The following OR51B5 variants were observed in gnomAD, a reference collection of about 807,000 sequenced individuals.
OR51B5 encodes the protein olfactory receptor family 51 subfamily B member 5.
For synonymous variants in OR51B5, 186 were observed against 144.8 expected, an observed-to-expected ratio of 1.28 and a Z score of -2.04; for missense variants, 456 against 374.6, an observed-to-expected ratio of 1.22 and a Z score of -1.79.
At chr11:5,423,278 G>A in intron 1 of OR51B5, 2 of 1,277,294 alleles carry the variant, frequency 1.6e-6, no homozygotes, top group East Asian at 2.6e-5. Flanking sequence ...ACAAGTCCCT[G>A]GCTTTTAGCA....
rs931179905 is a variant in OR51B5 at position 5,373,358 on chromosome 11, C to T, written n.85-26448G>A. 3.3e-5 allele frequency among the ~76,000 whole-genome samples: 5 copies of T among 152,216 alleles called. No homozygotes were observed. The South Asian group carries it at 8.3e-4, about 25-fold the overall frequency. ...AGTTCCAGTTTTTGAGCCAAGATGG[C>T]CAAATAGGAACAGCTCTGGTCTACA... On this transcript the variant is annotated intron_variant and non_coding_transcript_variant, in intron 1 of 4. Coordinates refer to the OR51B5 transcript ENST00000415970.
At chr11:5,484,684 C>T (rs564824963) in intron 1 of OR51B5, among the ~76,000 whole-genome samples, 4 of 152,188 alleles carry the variant, frequency 2.6e-5, no homozygotes, top group African/African-American at 7.2e-5. Context: ...TTGTCTTCTT[C>T]GGTTTACCAA....
chr11:5,422,603 G>A, intron 1 of OR51B5: 2 of 1,614,000 alleles, frequency 1.2e-6, no homozygotes, highest in Non-Finnish European at 1.7e-6. Context: ...CCTCCATTAT[G>A]CCTCCATCCT....
intron 1 of OR51B5, among the ~76,000 whole-genome samples, chr11:5,444,754 C>T (rs1850737495): frequency 6.6e-6 from 1 of 152,066 alleles, no homozygotes; most frequent in Admixed American, 6.6e-5. Context: ...GAGGAGGGAC[C>T]ATGGAAATAA....
Position 5,489,114 on chromosome 11 carries a change from A to C in OR51B5, n.84+16455T>G, listed in dbSNP as rs78395519. 835 of 1,613,904 alleles carry C rather than the reference A, an allele frequency of 5.2e-4. 6 individuals carry two copies. In the African/African-American group the frequency reaches 0.01, roughly 19 times the overall value. On this transcript the variant is annotated intron_variant and non_coding_transcript_variant, in intron 1 of 4. Transcript: ENST00000415970. ...CTATCTGTAACCCATTAAGGTACAC[A>C]ACCATTCTCAACCATGCTGTCATAG...
chr11:5,379,996 A>T (rs1420693290), intron 1 of OR51B5, among the ~76,000 whole-genome samples: 1 of 150,478 alleles, frequency 6.6e-6, no homozygotes, highest in Non-Finnish European at 1.5e-5. Flanking sequence ...CTTTAAAAAA[A>T]AAAAATAAGC....
chr11:5,412,815 C>G (rs972203923), intron 1 of OR51B5, among the ~76,000 whole-genome samples: 89 of 152,180 alleles, frequency 5.8e-4, no homozygotes, highest in Non-Finnish European at 1.0e-3. Flanking sequence ...GAGCCCACCA[C>G]AGCTCAAGGA....
At chr11:5,378,131 G>A (rs1313350725) in intron 1 of OR51B5, among the ~76,000 whole-genome samples, 7 of 151,778 alleles carry the variant, frequency 4.6e-5, no homozygotes, top group African/African-American at 9.7e-5. Context: ...CAATGGAACA[G>A]AACAGAGCCC....
intron 1 of OR51B5, among the ~76,000 whole-genome samples, chr11:5,349,175 C>G (rs1849037438): frequency 6.6e-6 from 1 of 152,074 alleles, no homozygotes; most frequent in Non-Finnish European, 1.5e-5. Context: ...CTCTGAAACT[C>G]ACAGATCATC....
In OR51B5 at chr11:5,501,364, C is replaced by T. The variant is rs767153291; in HGVS notation, n.84+4205G>A. On this transcript the variant is annotated intron_variant and non_coding_transcript_variant, in intron 1 of 4. Coordinates refer to the OR51B5 transcript ENST00000415970. ...GTAGATTCGGGCTAAATGTGGCTTA[C>T]GATAGTCTTAAAAGTTTATTTAAAT... Among the ~76,000 whole-genome samples the T allele has an allele frequency of 8.1e-5, 12 of 147,952 alleles. 1 individual carries two copies. The highest frequency in any genetic ancestry group is 1.2e-4 in the Non-Finnish European group (8 of 66,158).
intron 1 of OR51B5, among the ~76,000 whole-genome samples, chr11:5,450,397 AAATG>A (rs1331414134): frequency 6.6e-6 from 1 of 151,900 alleles, no homozygotes; most frequent in Non-Finnish European, 1.5e-5. Context: ...TCAAATAAAT[AAATG>A]AATTAATTAA....
At position 5,382,575 on chromosome 11, in the gene OR51B5, C is replaced by A. The variant is rs970078722; in HGVS notation, n.85-35665G>T. ...GGATCCCAGTGAAATAGGCTAAAAT[C>A]ATGTTCTTAATAAATGCAGGATTTT... On this transcript the variant is annotated intron_variant and non_coding_transcript_variant, in intron 1 of 4. Coordinates refer to the OR51B5 transcript ENST00000415970. Among the ~76,000 whole-genome samples the A allele has an allele frequency of 2.0e-5, 3 of 152,306 alleles. No homozygotes were observed. The East Asian group carries it at 5.8e-4, about 29-fold the overall frequency.
intron 1 of OR51B5, among the ~76,000 whole-genome samples, chr11:5,404,617 G>A (rs7483695): frequency 0.16 from 24,591 of 152,086 alleles, 2,479 homozygotes; most frequent in African/African-American, 0.29. Context: ...AGCCAGCAGC[G>A]GCAACCACCT....
intron 1 of OR51B5, among the ~76,000 whole-genome samples, chr11:5,395,175 C>T (rs771726568): frequency 1.3e-5 from 2 of 152,148 alleles, no homozygotes; most frequent in East Asian, 1.9e-4. Flanking sequence ...ATCAAGTCTG[C>T]GTCCATCTAG....
At chr11:5,401,872 C>T (rs562956042) in intron 1 of OR51B5, among the ~76,000 whole-genome samples, 38 of 81,100 alleles carry the variant, frequency 4.7e-4, no homozygotes, top group African/African-American at 1.9e-3. Flanking sequence ...CTTTTTCCTT[C>T]CTTCCTTTTC....
At chr11:5,468,733 G>A (rs1362547093) in intron 1 of OR51B5, 4 of 456,556 alleles carry the variant, frequency 8.8e-6, no homozygotes, top group South Asian at 3.1e-5. Flanking sequence ...TGGAGGCAAT[G>A]GCCAGCACAG....
In OR51B5 at chr11:5,437,507, A is replaced by G. The variant is rs1850609240; in HGVS notation, n.84+68062T>C. The stretch of plus-strand genomic sequence containing the variant: ...TTACTACAAGTTAAGGGTCTCCTCC[A>G]AAAGAAACATTCCAGGATACTGAAG... On this transcript the variant is annotated intron_variant and non_coding_transcript_variant, in intron 1 of 4. Transcript: ENST00000415970. 2.6e-5 allele frequency among the ~76,000 whole-genome samples: 4 copies of G among 152,202 alleles called. No individual in the cohort carries two copies. In the South Asian group the frequency reaches 8.3e-4, roughly 31 times the overall value.
chr11:5,390,577 A>G (rs1029990317), intron 1 of OR51B5: 5 of 536,624 alleles, frequency 9.3e-6, no homozygotes, highest in African/African-American at 1.9e-5. Flanking sequence ...CTCCTCCTAC[A>G]GCTGAGAACT....
chr11:5,405,796 T>C (rs1850049739), intron 1 of OR51B5, among the ~76,000 whole-genome samples: 1 of 152,230 alleles, frequency 6.6e-6, no homozygotes, highest in African/African-American at 2.4e-5. Context: ...GGTTTCCATG[T>C]ATCCTGTTTC....
Sources: gnomAD v4.1 joint callset for allele counts (sites outside exome capture counted in the v4.1 genomes callset) on GRCh38, gnomAD v4.1.1 for gene constraint, MANE v1.5 for transcripts, NCBI Gene and HGNC (gene_info 2026-07-23, HGNC 2026-07-21) for gene names.